The following OPA1 variants were observed in gnomAD, a reference collection of about 807,000 sequenced individuals.
OPA1 encodes OPA1 mitochondrial dynamin like GTPase.
OPA1 carries 59 observed loss-of-function variants against 152.9 expected under a neutral mutation model. The observed-to-expected ratio is 0.39, with a 90% CI of 0.31 to 0.48. The LOEUF (loss-of-function observed/expected upper bound fraction) is 0.48, where lower values mean the gene tolerates loss of function less well. Among genes scored for constraint, OPA1 ranks in the 20% least tolerant of loss-of-function variants. OPA1 has a pLI of 0.96. For synonymous variants in OPA1, 400 were observed against 389.9 expected (o/e 1.03, Z -0.31); for missense variants, 1,008 against 1,216.8 (o/e 0.83, Z 2.55).
intron 6 of OPA1, 150 bp downstream of exon 6, chr3:193,619,086 A>T (rs1223656073): frequency 2.9e-6 from 2 of 679,576 alleles, no homozygotes; most frequent in East Asian, 5.5e-5. Context: ...AGTGCAAAGT[A>T]CAAGGTATTA....
chr3:193,653,716 A>C (rs893999256), intron 21 of OPA1, among the ~76,000 whole-genome samples: 2 of 152,292 alleles, frequency 1.3e-5, no homozygotes, highest in African/African-American at 2.4e-5. Context: ...ATAAGTTGTC[A>C]TATTTATACC....
At chr3:193,663,021 A>AC in intron 26 of OPA1, 59 bp downstream of exon 26, 5 of 1,547,836 alleles carry the variant, frequency 3.2e-6, no homozygotes, top group Non-Finnish European at 4.5e-6. Flanking sequence ...TCTTGCAGTA[A>AC]ATGTTACTAC....
chr3:193,632,237 T>C (rs773192833), intron 8 of OPA1, among the ~76,000 whole-genome samples: 1 of 152,188 alleles, frequency 6.6e-6, no homozygotes, highest in African/African-American at 2.4e-5. Flanking sequence ...ATCCCAACAC[T>C]TTGGGAGGCC....
intron 1 of OPA1, among the ~76,000 whole-genome samples, chr3:193,599,843 G>A (rs1202534392): frequency 6.6e-6 from 1 of 152,158 alleles, no homozygotes; most frequent in Non-Finnish European, 1.5e-5. Flanking sequence ...AGACTCCAGG[G>A]GTGCCTCGTG....
At chr3:193,605,463 T>C (rs1243330673) in intron 1 of OPA1, among the ~76,000 whole-genome samples, 2 of 152,208 alleles carry the variant, frequency 1.3e-5, no homozygotes, top group Non-Finnish European at 2.9e-5. Context: ...GTGGATATTG[T>C]GGTAATTAGG....
At chr3:193,646,374 G>C (rs746084046) in intron 18 of OPA1, 2 of 154,996 alleles carry the variant, frequency 1.3e-5, no homozygotes, top group Non-Finnish European at 2.9e-5. Context: ...ACAACATATA[G>C]AACTGTGCTG....
At chr3:193,649,692 C>G (rs1341019687) in intron 21 of OPA1, among the ~76,000 whole-genome samples, 1 of 152,152 alleles carries the variant, frequency 6.6e-6, no homozygotes, top group Non-Finnish European at 1.5e-5. Flanking sequence ...TTGAATTCAG[C>G]ATCACTAGTT....
Position 193,643,962 on chromosome 3 carries a change from T to A in OPA1, c.1478-13T>A. On this transcript the variant is annotated splice_polypyrimidine_tract_variant and intron_variant, in intron 15 of 30. Coordinates refer to ENST00000361510, the MANE Select transcript of OPA1 (RefSeq NM_130837.3). ...CTTAAAATTCCACAGTGTCATTTTT[T>A]TATTTTTTTCAGATGGATCTGTGGA... 2 of 1,613,424 alleles carry A rather than the reference T, an allele frequency of 1.2e-6. No homozygotes were observed. Among genetic ancestry groups the A allele is most frequent in the Non-Finnish European group, 1.7e-6 (2 of 1,179,622 alleles).
chr3:193,631,787 T>C lies in OPA1; in HGVS notation c.843+122T>C, dbSNP rs1324431575. On this transcript the variant is annotated intron_variant, in intron 8 of 30. Transcript: ENST00000361510. ...TTTGGAAGGTGTAATGATAGAACCT[T>C]ATTATTATCGATAGATGCAAAAGCT... is the stretch of plus-strand genomic sequence containing the variant. 8.8e-6 allele frequency: 7 copies of C among 793,626 alleles called. No homozygotes were observed. In the East Asian group the frequency reaches 1.5e-4, roughly 17 times the overall value. 49.2% of individuals were successfully genotyped at this position (793,626 alleles called of 1,614,324 possible). A position where few individuals can be genotyped will look rare whatever the true frequency, so the allele number is the denominator to read the frequency against.
chr3:193,642,499 C>T (rs1365150957), intron 11 of OPA1, among the ~76,000 whole-genome samples: 2 of 152,198 alleles, frequency 1.3e-5, no homozygotes, highest in Non-Finnish European at 2.9e-5. Context: ...GAGGCAGCAG[C>T]ATTTTAGGTC....
rs1005243330 is a variant in OPA1 at position 193,695,265 on chromosome 3, A to G, written c.*665A>G. On this transcript the variant is annotated 3_prime_UTR_variant, in exon 31 of 31. Coordinates refer to ENST00000361510, the MANE Select transcript of OPA1 (RefSeq NM_130837.3). ...AAGCCAAGTCAGTACCAGCTTACCT[A>G]TTTGATTCAGTTGCTGTTTTCTCAC... The G allele has an allele frequency of 6.6e-6, 1 of 152,154 alleles. No homozygotes were observed. Among genetic ancestry groups the G allele is most frequent in the Non-Finnish European group, 1.5e-5 (1 of 68,000 alleles). 9.4% of individuals were successfully genotyped at this position (152,154 alleles called of 1,614,324 possible). A position where few individuals can be genotyped will look rare whatever the true frequency, so the allele number is the denominator to read the frequency against.
chr3:193,679,208 C>G (rs1251832990), intron 29 of OPA1, among the ~76,000 whole-genome samples: 1 of 151,826 alleles, frequency 6.6e-6, no homozygotes, highest in Non-Finnish European at 1.5e-5. Context: ...CCTGTGTAGC[C>G]TGCACATTCT....
At chr3:193,624,804 A>G (rs1361198114) in intron 6 of OPA1, among the ~76,000 whole-genome samples, 1 of 152,170 alleles carries the variant, frequency 6.6e-6, no homozygotes, top group Non-Finnish European at 1.5e-5. Context: ...ATCAAAACTA[A>G]CAGAATAAAA....
chr3:193,641,969 T>G (rs541547141), intron 11 of OPA1, among the ~76,000 whole-genome samples: 16 of 152,122 alleles, frequency 1.1e-4, no homozygotes, highest in South Asian at 6.2e-4. Flanking sequence ...ACAAAAAACT[T>G]GCCAGGTGTG....
intron 1 of OPA1, among the ~76,000 whole-genome samples, chr3:193,603,321 T>C (rs1250212487): frequency 1.3e-5 from 2 of 152,234 alleles, no homozygotes; most frequent in African/African-American, 4.8e-5. Flanking sequence ...ATTAAATAGG[T>C]CATCGTAAGG....
chr3:193,676,858 G>A (rs890769664), intron 29 of OPA1, among the ~76,000 whole-genome samples: 6 of 152,046 alleles, frequency 3.9e-5, no homozygotes, highest in African/African-American at 1.4e-4. Context: ...GCGGGCGCCT[G>A]TAGTCCCAGC....
intron 1 of OPA1, 47 bp downstream of exon 1, chr3:193,593,456 A>G (rs1403712138): frequency 6.7e-7 from 1 of 1,489,338 alleles, no homozygotes. Context: ...GGGCCTCTTG[A>G]GAGTGGGGCT....
chr3:193,678,764 T>G (rs1719612282), intron 29 of OPA1, among the ~76,000 whole-genome samples: 1 of 152,202 alleles, frequency 6.6e-6, no homozygotes, highest in Non-Finnish European at 1.5e-5. Context: ...TACCTGTATT[T>G]GGGACCTGGC....
chr3:193,671,625 CATT>C (rs1480668287), intron 29 of OPA1, among the ~76,000 whole-genome samples: 1 of 152,076 alleles, frequency 6.6e-6, no homozygotes, highest in African/African-American at 2.4e-5. Flanking sequence ...TGGAAAATAC[CATT>C]ATTCATAGCG....
Sources: allele counts gnomAD v4.1 joint callset (sites outside exome capture counted in the v4.1 genomes callset), GRCh38; gene constraint gnomAD v4.1.1; transcripts MANE v1.5; gene names NCBI Gene and HGNC (gene_info 2026-07-23, HGNC 2026-07-21).